Variants in MACROD2 observed in about 807,000 individuals in gnomAD.
The protein encoded by MACROD2 is ADP-ribose glycohydrolase MACROD2.
MACROD2 carries 36 observed loss-of-function variants against 70.4 expected under a neutral mutation model. The ratio of observed to expected loss-of-function variants is 0.51; its 90% CI spans 0.39 to 0.68. The LOEUF is 0.68. MACROD2 is among the 30% of genes least tolerant of loss of function. The pLI, the probability that MACROD2 is intolerant of heterozygous loss-of-function variation, is 0.00. For missense variants in MACROD2, 496 were observed against 538.4 expected, an observed-to-expected ratio of 0.92 and a Z score of 0.78; for synonymous variants, 172 against 178.8, an observed-to-expected ratio of 0.96 and a Z score of 0.30.
chr20:14,408,683 T>C (rs1300827512), intron 3 of MACROD2, among the ~76,000 whole-genome samples: 3 of 152,158 alleles, frequency 2.0e-5, no homozygotes, highest in Admixed American at 6.5e-5. Flanking sequence ...TGGGCATCTA[T>C]ATTGGTTCAT....
At chr20:15,209,115 G>GTATGTATTTATTTATT (rs1555792787) in intron 5 of MACROD2, among the ~76,000 whole-genome samples, 2 of 147,074 alleles carry the variant, frequency 1.4e-5, no homozygotes, top group Admixed American at 6.8e-5. Flanking sequence ...GGTGGTGGTG[G>GTATGTATTTATTTATT]TATTTATTTA....
intron 5 of MACROD2, among the ~76,000 whole-genome samples, chr20:15,093,996 T>A (rs936475256): frequency 1.3e-5 from 2 of 152,222 alleles, no homozygotes; most frequent in African/African-American, 4.8e-5. Flanking sequence ...GATTGTCCAT[T>A]GAAGGGTTGG....
chr20:14,097,492 T>C (rs1302056449), intron 3 of MACROD2, among the ~76,000 whole-genome samples: 2 of 152,232 alleles, frequency 1.3e-5, no homozygotes, highest in East Asian at 3.8e-4. Flanking sequence ...TTTATTTATT[T>C]TAGCTCTTCC....
chr20:14,654,986 G>A (rs371237734), intron 4 of MACROD2, among the ~76,000 whole-genome samples: 1 of 152,110 alleles, frequency 6.6e-6, no homozygotes. Context: ...TTCACAGAAA[G>A]CAATTACTAG....
chr20:14,201,506 C>G (rs965071438), intron 3 of MACROD2, among the ~76,000 whole-genome samples: 2 of 152,114 alleles, frequency 1.3e-5, no homozygotes, highest in Non-Finnish European at 2.9e-5. Flanking sequence ...ATGTGCCTCA[C>G]TGATGATAGT....
chr20:14,026,364 T>A (rs2053165915), intron 2 of MACROD2, among the ~76,000 whole-genome samples: 2 of 152,262 alleles, frequency 1.3e-5, no homozygotes. Context: ...TATTGTTATG[T>A]GTAAATTTGA....
chr20:15,249,713 T>A (rs577953800), intron 6 of MACROD2, among the ~76,000 whole-genome samples: 107 of 152,374 alleles, frequency 7.0e-4, no homozygotes, highest in African/African-American at 2.1e-3. Flanking sequence ...CTTTTCTTGA[T>A]GCTACGTTAT....
chr20:15,793,566 TA>T (rs1399580229), intron 8 of MACROD2, among the ~76,000 whole-genome samples: 1 of 151,760 alleles, frequency 6.6e-6, no homozygotes, highest in East Asian at 1.9e-4. Flanking sequence ...GCCATACTGT[TA>T]AAAAAAATTC....
chr20:14,467,201 C>A (rs2123035605), intron 3 of MACROD2, among the ~76,000 whole-genome samples: 1 of 152,276 alleles, frequency 6.6e-6, no homozygotes, highest in Non-Finnish European at 1.5e-5. Flanking sequence ...AGCTTCCTGG[C>A]TGCTTTGTTT....
chr20:15,797,744 A>G (rs1208957182), intron 8 of MACROD2, among the ~76,000 whole-genome samples: 1 of 152,188 alleles, frequency 6.6e-6, no homozygotes, highest in Non-Finnish European at 1.5e-5. Context: ...GCATAGAGCA[A>G]TGGTTCTCAA....
intron 5 of MACROD2, among the ~76,000 whole-genome samples, chr20:14,863,167 A>G (rs922409431): frequency 7.2e-5 from 11 of 152,084 alleles, no homozygotes; most frequent in African/African-American, 2.7e-4. Flanking sequence ...TTCACTAGAC[A>G]ACTGTAGGAA....
intron 17 of MACROD2, among the ~76,000 whole-genome samples, chr20:16,045,440 C>G (rs888585011): frequency 3.9e-5 from 6 of 152,078 alleles, no homozygotes; most frequent in African/African-American, 1.4e-4. Context: ...CAAGAGCCAG[C>G]AAACCAAGAA....
intron 3 of MACROD2, among the ~76,000 whole-genome samples, chr20:14,182,553 T>C (rs2081313091): frequency 6.6e-6 from 1 of 152,190 alleles, no homozygotes; most frequent in Non-Finnish European, 1.5e-5. Flanking sequence ...TATTGCCTAA[T>C]TCAGGGTTAT....
At position 15,869,238 on chromosome 20, in the gene MACROD2, T is replaced by TATATATATATAGAGAG; in HGVS notation, c.727+6413_727+6414insTATATATATAGAGAGA. 2.9e-3 allele frequency among the ~76,000 whole-genome samples: 82 copies of TATATATATATAGAGAG among 28,274 alleles called. 1 individual carries two copies. The highest frequency in any genetic ancestry group is 4.6e-3 in the African/African-American group (46 of 10,084). 18.5% of individuals were successfully genotyped at this position (28,274 alleles called of 152,430 possible). ...ATATATATATATATATATATATATA[T>TATATATATATAGAGAG]AGAGAGAGAGAGAGAGAGAGAGAGA... On this transcript the variant is annotated intron_variant, in intron 9 of 17. Transcript: ENST00000684519.
At chr20:14,720,565 T>TGTG (rs1819776990) in intron 5 of MACROD2, among the ~76,000 whole-genome samples, 1 of 109,886 alleles carries the variant, frequency 9.1e-6, no homozygotes, top group African/African-American at 3.9e-5. Context: ...TTTTTTTTTT[T>TGTG]TTTTTGTGAG....
chr20:14,324,822 C>T (rs964913342), intron 3 of MACROD2: 1 of 152,114 alleles, frequency 6.6e-6, no homozygotes, highest in Non-Finnish European at 1.5e-5. Flanking sequence ...TTTACATTAC[C>T]GTTTTTGTGA....
chr20:14,373,938 G>A (rs1188154555), intron 3 of MACROD2, among the ~76,000 whole-genome samples: 2 of 152,088 alleles, frequency 1.3e-5, no homozygotes, highest in African/African-American at 4.8e-5. Flanking sequence ...AGGTATTAGA[G>A]TAAATGACTG....
chr20:14,947,339 T>A (rs1192967659), intron 5 of MACROD2, among the ~76,000 whole-genome samples: 4 of 152,206 alleles, frequency 2.6e-5, no homozygotes, highest in South Asian at 2.1e-4. Context: ...ATGATTCCAT[T>A]TCTGACTCCG....
intron 6 of MACROD2, among the ~76,000 whole-genome samples, chr20:15,294,126 A>T (rs2077565747): frequency 6.6e-6 from 1 of 151,658 alleles, no homozygotes; most frequent in Admixed American, 6.6e-5. Context: ...TGTCTAAAAA[A>T]AAAAAAAAAA....
Sources: allele counts gnomAD v4.1 joint callset (sites outside exome capture counted in the v4.1 genomes callset), GRCh38; gene constraint gnomAD v4.1.1; transcripts MANE v1.5; gene names NCBI Gene and HGNC (gene_info 2026-07-23, HGNC 2026-07-21).